Variants in ACAD11 observed in about 807,000 individuals in gnomAD.
ACAD11 encodes acyl-Coenzyme A dehydrogenase family, member 11.
ACAD11 carries 83 observed loss-of-function variants against 102.2 expected under a neutral mutation model. The observed-to-expected ratio is 0.81, with a 90% CI of 0.68 to 0.97. The LOEUF (loss-of-function observed/expected upper bound fraction) is 0.97. Ranked by LOEUF, ACAD11 falls within the 50% of genes least tolerant of loss-of-function variation. The probability of loss-of-function intolerance (pLI) is 0.00; values close to 1 mark genes in which losing one functional copy is unlikely to be tolerated. For missense variants in ACAD11, 901 were observed against 951.7 expected, an observed-to-expected ratio of 0.95 and a Z score of 0.70; for synonymous variants, 324 against 319.8, an observed-to-expected ratio of 1.01 and a Z score of -0.14.
At chr3:132,641,698 G>GGAAGAAGAAGAA (rs199597510) in intron 4 of ACAD11, among the ~76,000 whole-genome samples, 108 of 116,654 alleles carry the variant, frequency 9.3e-4, no homozygotes, top group Admixed American at 2.6e-3. Context: ...AAGAGGAAGA[G>GGAAGAAGAAGAA]GAAGAAGAAG....
intron 5 of ACAD11, among the ~76,000 whole-genome samples, chr3:132,631,738 G>A (rs1189605541): frequency 6.6e-6 from 1 of 152,162 alleles, no homozygotes; most frequent in Non-Finnish European, 1.5e-5. Flanking sequence ...CTAATGAGCA[G>A]ATGCAAAAGC....
In ACAD11 at chr3:132,650,827, A is replaced by G. The variant is rs79707734; in HGVS notation, c.150-5931T>C. Among the ~76,000 whole-genome samples the G allele has an allele frequency of 1.3e-3, 204 of 152,136 alleles. 2 individuals carry two copies. The East Asian group carries it at 0.033, about 25-fold the overall frequency. On this transcript the variant is annotated intron_variant, in intron 1 of 19. Transcript: ENST00000264990. ...CATTGTGTTCTTTATCCCTCTTTAT[A>G]TCATCAATACCAGAAGTCCCAAATT...
intron 13 of ACAD11, chr3:132,600,890 G>C: frequency 6.2e-7 from 1 of 1,613,478 alleles, no homozygotes; most frequent in Non-Finnish European, 8.5e-7. Flanking sequence ...CTGGATGGCT[G>C]CCATCTTGCT....
At chr3:132,629,818 C>T (rs1308008883) in intron 7 of ACAD11, among the ~76,000 whole-genome samples, 3 of 152,004 alleles carry the variant, frequency 2.0e-5, no homozygotes, top group East Asian at 1.9e-4. Context: ...TCTTAAATCT[C>T]CAAGATTCAA....
intron 5 of ACAD11, among the ~76,000 whole-genome samples, chr3:132,634,100 T>C (rs1361412817): frequency 6.6e-5 from 10 of 152,212 alleles, no homozygotes; most frequent in Admixed American, 3.9e-4. Context: ...CAAAAGAAAC[T>C]ACCATCAGAG....
Position 132,605,165 on chromosome 3 carries a change from C to G in ACAD11, c.1455G>C (p.Glu485Asp). The change falls in exon 12 of 20, where the codon GAG becomes GAC. Residue 485 changes from glutamate (E) to aspartate (D), a missense_variant. By Grantham distance (45) the Glu-to-Asp change is conservative (BLOSUM62 2). Coordinates refer to ENST00000264990, the MANE Select transcript of ACAD11 (RefSeq NM_032169.5). ...GCTCAAGCCACTGTTTCTTCTGTTC[C>G]TCACTTCCATACAGGTGCAGAACCT... ...NMEVLHLYGS[E>D]EQKKQWLEPL... 1 of 1,613,662 alleles carries G rather than the reference C, an allele frequency of 6.2e-7. No homozygotes were observed. The highest frequency in any genetic ancestry group is 8.5e-7 in the Non-Finnish European group (1 of 1,179,612).
intron 7 of ACAD11, 62 bp from the exon 8 acceptor site, chr3:132,628,508 T>A: frequency 3.3e-6 from 4 of 1,199,884 alleles, no homozygotes; most frequent in Non-Finnish European, 4.8e-6. Context: ...ATCCAATCAA[T>A]CTTTCCAGTT....
In ACAD11 at chr3:132,659,414, TC is replaced by T. The variant is rs762778183; in HGVS notation, c.149+188del. The stretch of plus-strand genomic sequence containing the variant: ...CGTTATTGCGCTTCCATTACCGCCC[TC>T]CAATTGGGAAGCCCCCAGCATCGAA... On this transcript the variant is annotated intron_variant, in intron 1 of 19. Transcript: ENST00000264990. 3 of 693,226 alleles carry T rather than the reference TC, an allele frequency of 4.3e-6. No homozygotes were observed. In the African/African-American group the frequency reaches 5.6e-5, roughly 13 times the overall value. 42.9% of individuals were successfully genotyped at this position (693,226 alleles called of 1,614,324 possible).
At position 132,644,836 on chromosome 3, in the gene ACAD11, C is replaced by T; in HGVS notation, c.210G>A (p.Arg70=). The change falls in exon 2 of 20, where the codon AGG becomes AGA. Residue 70 remains arginine, a synonymous_variant. Coordinates refer to ENST00000264990, the MANE Select transcript of ACAD11 (RefSeq NM_032169.5). ...LQKGFQTYVL[R]KKPPGSLLPK... ...GAAGAAGTGAACCTGGTGGTTTTTT[C>T]CTGAGCACATATGTTTGAAAGCCCT... 6.2e-7 allele frequency: 1 copy of T among 1,611,044 alleles called. No homozygotes were observed.
chr3:132,629,277 GC>G (rs1477803303), intron 7 of ACAD11, among the ~76,000 whole-genome samples: 1 of 152,148 alleles, frequency 6.6e-6, no homozygotes, highest in Non-Finnish European at 1.5e-5. Flanking sequence ...TCCTGCCTCA[GC>G]CTCCTGAGTA....
chr3:132,578,419 T>G (rs1937552651), intron 15 of ACAD11: 2 of 152,208 alleles, frequency 1.3e-5, no homozygotes, highest in South Asian at 4.1e-4. Flanking sequence ...GTAAGTTGAT[T>G]GATTAAGAGG....
At chr3:132,648,759 C>T (rs562779537) in intron 1 of ACAD11, 10 of 152,324 alleles carry the variant, frequency 6.6e-5, no homozygotes, top group Admixed American at 2.0e-4. Context: ...AGACTCAGAC[C>T]TTCACTAACT....
chr3:132,601,737 A>G lies in ACAD11; in HGVS notation c.1621+1492T>C, dbSNP rs1938612307. ...AAGAGCTTTGTGGTGATAATTTTGT[A>G]TCTTGGTTGCAGTGGTGCTTATACA... On this transcript the variant is annotated intron_variant, in intron 13 of 19. Transcript: ENST00000264990. The G allele has an allele frequency of 2.1e-5, 9 of 427,462 alleles. No homozygotes were observed. The Admixed American group carries it at 2.9e-4, about 14-fold the overall frequency. The allele number at this position is 427,462 out of a possible 1,614,324, so 26.5% of individuals were successfully genotyped here.
chr3:132,585,180 A>T (rs1023875936), intron 13 of ACAD11, among the ~76,000 whole-genome samples: 7 of 152,204 alleles, frequency 4.6e-5, no homozygotes, highest in Non-Finnish European at 1.0e-4. Context: ...AGCCCTCAGA[A>T]ATAATGCCGC....
intron 9 of ACAD11, among the ~76,000 whole-genome samples, chr3:132,621,791 A>G (rs541724868): frequency 8.3e-5 from 5 of 60,376 alleles, no homozygotes; most frequent in Admixed American, 6.5e-4. Flanking sequence ...TACCAAATGA[A>G]ACATAATGAA....
intron 1 of ACAD11, among the ~76,000 whole-genome samples, chr3:132,652,210 C>A (rs1940954413): frequency 6.6e-6 from 1 of 152,106 alleles, no homozygotes; most frequent in Non-Finnish European, 1.5e-5. Flanking sequence ...GTGAATAAGT[C>A]TCATGAGATC....
intron 17 of ACAD11, among the ~76,000 whole-genome samples, chr3:132,569,011 T>C (rs28798160): frequency 0.021 from 3,132 of 151,948 alleles, 103 homozygotes; most frequent in African/African-American, 0.072. Flanking sequence ...TTAGAGTTCA[T>C]TAAAATTAAA....
intron 13 of ACAD11, among the ~76,000 whole-genome samples, chr3:132,591,062 G>T (rs1938053952): frequency 6.6e-6 from 1 of 152,092 alleles, no homozygotes; most frequent in Non-Finnish European, 1.5e-5. Context: ...TGGTGTCTTT[G>T]TCATGTACCC....
At chr3:132,571,208 T>G (rs1013187789) in intron 17 of ACAD11, among the ~76,000 whole-genome samples, 1 of 152,192 alleles carries the variant, frequency 6.6e-6, no homozygotes, top group East Asian at 1.9e-4. Flanking sequence ...TGTTAGATAG[T>G]ATCTCACTGT....
Sources: allele counts gnomAD v4.1 joint callset (sites outside exome capture counted in the v4.1 genomes callset), GRCh38; gene constraint gnomAD v4.1.1; transcripts MANE v1.5; gene names NCBI Gene and HGNC (gene_info 2026-07-23, HGNC 2026-07-21).